The following TDRD12 variants were observed in gnomAD, a reference collection of about 807,000 sequenced individuals.
The protein encoded by TDRD12 is putative ATP-dependent RNA helicase TDRD12.
In TDRD12, 158 loss-of-function variants were observed where a neutral mutation model predicts 133.5. The ratio of observed to expected loss-of-function variants is 1.18; its 90% CI spans 1.04 to 1.35. The LOEUF is 1.35. TDRD12 is among the 40% of genes most tolerant of loss of function. The pLI is 0.00. For missense variants in TDRD12, 1,443 were observed against 1,321.3 expected, an observed-to-expected ratio of 1.09 and a Z score of -1.43; for synonymous variants, 460 against 477.9, an observed-to-expected ratio of 0.96 and a Z score of 0.49.
downstream of TDRD12, chr19:32,824,207 C>G (rs952741950): frequency 6.6e-6 from 1 of 152,660 alleles, no homozygotes; most frequent in African/African-American, 2.4e-5. Context: ...CAGTCAGTGT[C>G]TCCATGTGGC....
chr19:32,808,564 GAGCC>G (rs2145722474), intron 22 of TDRD12, among the ~76,000 whole-genome samples: 1 of 152,248 alleles, frequency 6.6e-6, no homozygotes, highest in African/African-American at 2.4e-5. Context: ...AGATAACCCA[GAGCC>G]ATCTCCCAGT....
At chr19:32,745,574 C>A (rs1461030198) in intron 4 of TDRD12, among the ~76,000 whole-genome samples, 3 of 152,094 alleles carry the variant, frequency 2.0e-5, no homozygotes, top group Non-Finnish European at 2.9e-5. Flanking sequence ...TTTTATTTTT[C>A]TGACTTGCAA....
At chr19:32,757,111 G>A (rs1476969635) in exon 8 of TDRD12, 1 of 1,551,550 alleles carries the variant, frequency 6.4e-7, no homozygotes, top group Non-Finnish European at 8.7e-7. Flanking sequence ...GTGACCTCAG[G>A]CCAACAGCCA....
At chr19:32,729,674 A>G (rs1174890353) in intron 1 of TDRD12, among the ~76,000 whole-genome samples, 8 of 147,852 alleles carry the variant, frequency 5.4e-5, no homozygotes, top group Admixed American at 4.2e-4. Flanking sequence ...TAACCATCTC[A>G]TCTTTAAGTT....
At chr19:32,770,942 A>T (rs1970426098) in intron 8 of TDRD12, among the ~76,000 whole-genome samples, 1 of 152,206 alleles carries the variant, frequency 6.6e-6, no homozygotes, top group Admixed American at 6.5e-5. Flanking sequence ...TTCTTTAAGT[A>T]GGGAGGTGTC....
chr19:32,733,402 G>A (rs975172154), intron 2 of TDRD12, among the ~76,000 whole-genome samples: 4 of 151,812 alleles, frequency 2.6e-5, no homozygotes, highest in Non-Finnish European at 4.4e-5. Flanking sequence ...CCTGGGAGGC[G>A]GAGGCTTCAG....
At chr19:32,776,278 T>C (rs1467234131) in intron 10 of TDRD12, among the ~76,000 whole-genome samples, 1 of 152,136 alleles carries the variant, frequency 6.6e-6, no homozygotes, top group East Asian at 1.9e-4. Flanking sequence ...AAGGTGGAGA[T>C]TTTCCTCACG....
chr19:32,721,326 C>A (rs940844743), intron 1 of TDRD12, among the ~76,000 whole-genome samples: 1 of 152,132 alleles, frequency 6.6e-6, no homozygotes, highest in African/African-American at 2.4e-5. Flanking sequence ...AATCACACTT[C>A]AGTGGGCCCA....
rs1966994177 is a variant in TDRD12, at chr19:32,811,258, T to TA, written c.2886_2887insA (p.Asp963ArgfsTer9). The stretch of plus-strand genomic sequence containing the variant: ...AAAAAGAAGACGCCTGGGCCCTGGA[T>TA]GACATCCTTGTAGAGTTCATCGATG... On this transcript the variant is annotated frameshift_variant, in exon 24 of 28. Transcript: ENST00000444215. LOFTEE classifies it high-confidence loss of function. 4 of 1,536,090 alleles carry TA rather than the reference T, an allele frequency of 2.6e-6. No individual in the cohort carries two copies. The highest frequency in any genetic ancestry group is 1.7e-4 in the Middle Eastern group (1 of 5,990).
chr19:32,756,175 A>G, exon 7 of TDRD12: 1 of 1,421,986 alleles, frequency 7.0e-7, no homozygotes. Flanking sequence ...TGTTCAAGGA[A>G]TGGAAGGTGA....
intron 1 of TDRD12, among the ~76,000 whole-genome samples, chr19:32,729,188 G>A (rs1318453230): frequency 6.9e-6 from 1 of 145,762 alleles, no homozygotes; most frequent in Non-Finnish European, 1.5e-5. Flanking sequence ...TTCACTTTCT[G>A]GTGACTGCTT....
rs180827738 is a variant in TDRD12, at chr19:32,786,787, C to T, written c.1122-3744C>T. On this transcript the variant is annotated intron_variant, in intron 11 of 27. Transcript: ENST00000444215. ...TTTCAGCTCCATCAGGTCATTTAAG[C>T]TCTTCTCTACACTGGTTATTCTAGT... Among the ~76,000 whole-genome samples, 31 of 152,302 alleles carry T rather than the reference C, an allele frequency of 2.0e-4. No homozygotes were observed. The East Asian group carries it at 4.0e-3, about 20-fold the overall frequency.
chr19:32,804,554 G>A (rs1338047220), intron 21 of TDRD12, among the ~76,000 whole-genome samples: 11 of 151,684 alleles, frequency 7.3e-5, no homozygotes, highest in Admixed American at 3.3e-4. Context: ...TTAGCTGGGC[G>A]TGGTGGTGCG....
chr19:32,731,759 A>G (rs1405518575), exon 2 of TDRD12: 2 of 1,547,946 alleles, frequency 1.3e-6, no homozygotes, highest in Non-Finnish European at 1.7e-6. Flanking sequence ...GTTATTATAA[A>G]AGGGTGTAGT....
intron 18 of TDRD12, 83 bp from the exon 19 acceptor site, chr19:32,801,673 T>C (rs1220160902): frequency 4.4e-6 from 2 of 449,902 alleles, no homozygotes; most frequent in Non-Finnish European, 7.8e-6. Flanking sequence ...TTAAAGTGCT[T>C]TACATTGACA....
intron 23 of TDRD12, among the ~76,000 whole-genome samples, chr19:32,810,987 A>T (rs1966983489): frequency 6.6e-6 from 1 of 152,230 alleles, no homozygotes; most frequent in African/African-American, 2.4e-5. Flanking sequence ...GTTGTTAGAT[A>T]AAAGGATTTA....
chr19:32,800,586 TG>T, intron 17 of TDRD12, 57 bp from the exon 18 acceptor site: 1 of 1,426,160 alleles, frequency 7.0e-7, no homozygotes, highest in Non-Finnish European at 9.2e-7. Flanking sequence ...CTGTGGAAAG[TG>T]GATCTGGAGC....
intron 12 of TDRD12, 38 bp downstream of exon 12, chr19:32,790,629 G>GA (rs1477957850): frequency 5.8e-6 from 9 of 1,551,292 alleles, no homozygotes; most frequent in Non-Finnish European, 7.8e-6. Flanking sequence ...TAAAAAGAGA[G>GA]AAAAAACTGT....
chr19:32,816,947 A>C (rs1967200390), intron 26 of TDRD12, among the ~76,000 whole-genome samples: 1 of 152,186 alleles, frequency 6.6e-6, no homozygotes, highest in Non-Finnish European at 1.5e-5. Context: ...AAGCCCAGGG[A>C]GTAACACCAC....
Sources: allele counts gnomAD v4.1 joint callset (sites outside exome capture counted in the v4.1 genomes callset), GRCh38; gene constraint gnomAD v4.1.1; transcripts MANE v1.5; gene names NCBI Gene and HGNC (gene_info 2026-07-23, HGNC 2026-07-21).